The following C5orf34 variants were observed in gnomAD, a reference collection of about 807,000 sequenced individuals.
C5orf34 encodes the protein uncharacterized protein C5orf34.
Under a neutral mutation model 78.4 loss-of-function variants are expected in C5orf34, and 73 were observed. The observed-to-expected ratio is 0.93, with a 90% CI of 0.77 to 1.13. C5orf34 has a LOEUF of 1.13. Among genes scored for constraint, C5orf34 ranks in the 50% most tolerant of loss-of-function variants. The pLI is 0.00. For synonymous variants in C5orf34, 251 were observed against 246.6 expected (o/e 1.02, Z -0.17); for missense variants, 730 against 732.7 (o/e 1.00, Z 0.04).
intron 1 of C5orf34, among the ~76,000 whole-genome samples, chr5:43,514,464 TAGTC>T (rs1280379323): frequency 3.9e-5 from 6 of 152,078 alleles, no homozygotes; most frequent in African/African-American, 1.4e-4. Context: ...TTGGGAAAAA[TAGTC>T]TATCTTTGGT....
chr5:43,503,527 G>T (rs1745851568), intron 5 of C5orf34, 138 bp downstream of exon 5: 1 of 727,962 alleles, frequency 1.4e-6, no homozygotes, highest in Non-Finnish European at 2.5e-6. Context: ...TAAAACTCAG[G>T]ATCAAACACA....
chr5:43,508,121 C>T (rs1433350162), intron 3 of C5orf34, among the ~76,000 whole-genome samples: 1 of 150,950 alleles, frequency 6.6e-6, no homozygotes, highest in Non-Finnish European at 1.5e-5. Context: ...AGCCAATATA[C>T]CTGTTTTGAT....
At chr5:43,506,424 G>A in intron 3 of C5orf34, 30 bp from the exon 4 acceptor site, 1 of 1,547,408 alleles carries the variant, frequency 6.5e-7, no homozygotes, top group Non-Finnish European at 8.7e-7. Context: ...GAGACGGTGA[G>A]TATTTTCTGT....
At chr5:43,513,022 TCC>T (rs1746340648) in intron 1 of C5orf34, among the ~76,000 whole-genome samples, 1 of 152,034 alleles carries the variant, frequency 6.6e-6, no homozygotes, top group South Asian at 2.1e-4. Flanking sequence ...CACCTCGTGA[TCC>T]ACCCGTTTTG....
At chr5:43,500,328 A>G (rs943549601) in intron 6 of C5orf34, among the ~76,000 whole-genome samples, 1 of 151,658 alleles carries the variant, frequency 6.6e-6, no homozygotes, top group African/African-American at 2.4e-5. Context: ...TCTATTACTG[A>G]TTTATAGTGT....
At chr5:43,514,770 C>G (rs1264630291) in intron 1 of C5orf34, 36 bp downstream of exon 1, 2 of 152,138 alleles carry the variant, frequency 1.3e-5, no homozygotes, top group African/African-American at 4.8e-5. Flanking sequence ...ACAGAAGGAG[C>G]CTGATCAAAA....
chr5:43,500,676 A>G (rs1265927335), intron 6 of C5orf34, among the ~76,000 whole-genome samples: 1 of 152,220 alleles, frequency 6.6e-6, no homozygotes, highest in African/African-American at 2.4e-5. Context: ...GATTACAGGC[A>G]TAAGCCACTG....
intron 4 of C5orf34, 36 bp from the exon 5 acceptor site, chr5:43,503,796 T>C: frequency 7.2e-7 from 1 of 1,382,890 alleles, no homozygotes; most frequent in South Asian, 1.2e-5. Context: ...TACTTCTGGT[T>C]GCTCAATATA....
intron 12 of C5orf34, among the ~76,000 whole-genome samples, chr5:43,487,440 G>C (rs1042519150): frequency 6.6e-6 from 1 of 152,064 alleles, no homozygotes; most frequent in African/African-American, 2.4e-5. Context: ...GGATTATAAG[G>C]AATCTGTGTA....
chr5:43,511,234 T>C (rs10055483), intron 1 of C5orf34: 163,867 of 168,278 alleles, frequency 0.97, 79,834 homozygotes, highest in Middle Eastern at 1. Context: ...GTGAGGAGCC[T>C]CTCCGCCTGG....
rs772658740 is a variant in C5orf34 at position 43,492,699 on chromosome 5, C to A, written c.1485+21G>T. 5.7e-6 allele frequency: 9 copies of A among 1,590,580 alleles called. No homozygotes were observed. In the East Asian group the frequency reaches 1.8e-4, roughly 32 times the overall value. On this transcript the variant is annotated intron_variant, in intron 9 of 12. Transcript: ENST00000306862. The stretch of plus-strand genomic sequence containing the variant: ...CACAGATTACCAATAAAAAATAGAT[C>A]TAAGTCTGAAGTATACCCACCTGTC...
chr5:43,509,764 GT>G (rs560389477), intron 1 of C5orf34, among the ~76,000 whole-genome samples: 4 of 149,910 alleles, frequency 2.7e-5, no homozygotes, highest in African/African-American at 4.9e-5. Context: ...TGTTTTTTTT[GT>G]TTTTTTTTGA....
At position 43,487,925 on chromosome 5, in the gene C5orf34, CTT is replaced by C; in HGVS notation, c.1702_1703del (p.Lys568AspfsTer5). ...AAAGGATACAGTTAAACTTCTGTAT[CTT>C]TTCAAGTTCAGAAGCAACAGACCTG... ...ENWSVASELE[K>X]IQKFNLLLEN... is the part of the protein sequence containing the mutation. On this transcript the variant is annotated frameshift_variant, in exon 12 of 13. Transcript: ENST00000306862. LOFTEE classifies it high-confidence loss of function. The C allele has an allele frequency of 1.9e-6, 3 of 1,605,246 alleles. No homozygotes were observed. The highest frequency in any genetic ancestry group is 2.6e-6 in the Non-Finnish European group (3 of 1,174,334).
chr5:43,495,711 GA>G (rs1745487541), intron 6 of C5orf34: 1 of 1,578,746 alleles, frequency 6.3e-7, no homozygotes, highest in South Asian at 1.1e-5. Flanking sequence ...ACATCCTGGA[GA>G]GGCAGGCGCA....
rs769835559 is a variant in C5orf34, at chr5:43,490,672, C to T, written c.1638G>A (p.Glu546=). ...CAGAAGATGACGAATGAGTGGGCATCTCTCTGGGACTAGTCTGGGTCAGTC... is the reference window on the plus strand; with the variant it reads ...CAGAAGATGACGAATGAGTGGGCATTTCTCTGGGACTAGTCTGGGTCAGTC... ...CRRLTQTSPR[E]MPTHSSSSVL... is the part of the protein sequence containing the mutation. The change falls in exon 11 of 13, where the codon GAG becomes GAA. Residue 546 remains glutamate (E), a synonymous_variant. Transcript: ENST00000306862. 5.0e-6 allele frequency: 8 copies of T among 1,611,750 alleles called. No homozygotes were observed. The highest frequency in any genetic ancestry group is 8.5e-7 in the Non-Finnish European group (1 of 1,178,196).
At chr5:43,502,621 G>A (rs562993385) in intron 5 of C5orf34, 126 bp from the exon 6 acceptor site, 14 of 617,004 alleles carry the variant, frequency 2.3e-5, no homozygotes, top group South Asian at 1.9e-4. Flanking sequence ...TGCCTGTCCA[G>A]TGAAGCAGAT....
At position 43,506,338 on chromosome 5, in the gene C5orf34, G is replaced by A. The variant is rs753540584; in HGVS notation, c.342C>T (p.Thr114=). Residue 114 remains threonine, a synonymous_variant, in exon 4 of 13, where the codon ACC becomes ACT. Coordinates refer to ENST00000306862, the MANE Select transcript of C5orf34 (RefSeq NM_198566.4). ...CAATGCCACTCTCCATATATATCAT[G>A]GTACCATCTGTATCAAGACTGGGCC... ...VRWPSLDTDG[T]MIYMESGIVK... 2 of 1,613,696 alleles carry A rather than the reference G, an allele frequency of 1.2e-6. No individual in the cohort carries two copies. Among genetic ancestry groups the A allele is most frequent in the Admixed American group, 3.3e-5 (2 of 59,984 alleles).
chr5:43,501,840 G>A (rs1026397078), intron 6 of C5orf34, among the ~76,000 whole-genome samples: 2 of 152,048 alleles, frequency 1.3e-5, no homozygotes, highest in Non-Finnish European at 2.9e-5. Flanking sequence ...AATATCAGAG[G>A]GGCAATAAGC....
intron 6 of C5orf34, chr5:43,496,167 T>G: frequency 9.2e-6 from 14 of 1,529,306 alleles, no homozygotes; most frequent in Non-Finnish European, 1.3e-5. Flanking sequence ...TGATGAAGTC[T>G]CTGAGTCCTG....
Sources: gnomAD v4.1 joint callset for allele counts (sites outside exome capture counted in the v4.1 genomes callset) on GRCh38, gnomAD v4.1.1 for gene constraint, MANE v1.5 for transcripts, NCBI Gene and HGNC (gene_info 2026-07-23, HGNC 2026-07-21) for gene names.